Variants in TBC1D31 observed in about 807,000 individuals in gnomAD.
TBC1D31 encodes the protein WD repeat domain 67.
A neutral mutation model predicts 132.9 loss-of-function variants in TBC1D31; 99 were observed. The observed-to-expected ratio is 0.74, with a 90% CI of 0.63 to 0.88. The LOEUF (loss-of-function observed/expected upper bound fraction) is 0.88, where lower values mean the gene tolerates loss of function less well. Among genes scored for constraint, TBC1D31 ranks in the 40% least tolerant of loss-of-function variants. The pLI, the probability that TBC1D31 is intolerant of heterozygous loss-of-function variation, is 0.00. For missense variants in TBC1D31, 1,134 were observed against 1,256.6 expected, an observed-to-expected ratio of 0.90 and a Z score of 1.48; for synonymous variants, 385 against 419.4, an observed-to-expected ratio of 0.92 and a Z score of 1.00.
At chr8:123,123,220 G>A (rs1819665543) in intron 11 of TBC1D31, 2 of 152,326 alleles carry the variant, frequency 1.3e-5, no homozygotes, top group Admixed American at 6.5e-5. Context: ...CCTTCTCAGA[G>A]TTTTCTAAGA....
At chr8:123,152,568 A>G (rs1391926778), downstream of TBC1D31, among the ~76,000 whole-genome samples, 2 of 152,134 alleles carry the variant, frequency 1.3e-5, no homozygotes, top group African/African-American at 2.4e-5. Context: ...ACTTGATATG[A>G]CGATTCAGTA....
intron 2 of TBC1D31, among the ~76,000 whole-genome samples, chr8:123,077,482 C>T (rs1487796362): frequency 6.6e-6 from 1 of 150,968 alleles, no homozygotes; most frequent in African/African-American, 2.4e-5. Flanking sequence ...TTAATAGTAT[C>T]TCTAGTAGTT....
intron 18 of TBC1D31, among the ~76,000 whole-genome samples, chr8:123,141,335 T>C (rs1821643224): frequency 6.6e-6 from 1 of 152,198 alleles, no homozygotes; most frequent in African/African-American, 2.4e-5. Flanking sequence ...CACTTCCAAG[T>C]GTATTGTGTG....
rs1563706412 is a variant in TBC1D31, at chr8:123,106,918, T to C, written c.1209+1454T>C. 1.3e-5 allele frequency among the ~76,000 whole-genome samples: 2 copies of C among 152,280 alleles called. 1 individual carries two copies. Among genetic ancestry groups the C allele is most frequent in the South Asian group, 4.1e-4 (2 of 4,824 alleles). On this transcript the variant is annotated intron_variant, in intron 8 of 21. Coordinates refer to ENST00000287380, the MANE Select transcript of TBC1D31 (RefSeq NM_145647.4). ...ACCAGGCACAAGCTTCCGGGAATCTTCTCCCACTGGAGTCACAGGACATCC... is the reference window on the plus strand; with the variant it reads ...ACCAGGCACAAGCTTCCGGGAATCTCCTCCCACTGGAGTCACAGGACATCC...
intron 4 of TBC1D31, among the ~76,000 whole-genome samples, chr8:123,086,469 G>C (rs4871347): frequency 0.31 from 46,621 of 151,908 alleles, 7,232 homozygotes; most frequent in African/African-American, 0.34. Context: ...CAGATTGGAG[G>C]CTTTCTGCAG....
intron 6 of TBC1D31, among the ~76,000 whole-genome samples, chr8:123,098,395 A>G (rs1050179011): frequency 6.6e-6 from 1 of 152,070 alleles, no homozygotes; most frequent in African/African-American, 2.4e-5. Context: ...TCCGCCTCCC[A>G]GGCTCAAGTG....
intron 1 of TBC1D31, among the ~76,000 whole-genome samples, chr8:123,074,054 C>T (rs1411315559): frequency 6.7e-6 from 1 of 149,950 alleles, no homozygotes; most frequent in Non-Finnish European, 1.5e-5. Context: ...TCTCTTGAGA[C>T]AGAGTCTTGC....
At position 123,084,305 on chromosome 8, in the gene TBC1D31, A is replaced by T; in HGVS notation, c.484A>T (p.Lys162Ter). Residue 162 changes from lysine (K) to a stop codon, truncating the protein, a stop_gained, in exon 4 of 22, where the codon AAG becomes TAG. Coordinates refer to ENST00000287380, the MANE Select transcript of TBC1D31 (RefSeq NM_145647.4). LOFTEE classifies it high-confidence loss of function. ...CTTGGATACCTTTCAGAGAAAAAGA[A>T]AGCTGAATATTCGCCAGTCTGTGGG... The part of the protein sequence containing the change: ...WDLDTFQRKR[K>*]LNIRQSVGIQ... The T allele has an allele frequency of 6.2e-7, 1 of 1,614,212 alleles. No homozygotes were observed. The highest frequency in any genetic ancestry group is 8.5e-7 in the Non-Finnish European group (1 of 1,180,028).
At chr8:123,076,959 T>C in intron 1 of TBC1D31, 152 bp from the exon 2 acceptor site, 1 of 618,980 alleles carries the variant, frequency 1.6e-6, no homozygotes, top group South Asian at 2.8e-5. Flanking sequence ...TTTTCTGAAA[T>C]CCTGGTAAGA....
intron 13 of TBC1D31, 44 bp from the exon 14 acceptor site, chr8:123,128,237 C>T (rs543856159): frequency 1.0e-6 from 1 of 980,722 alleles, no homozygotes; most frequent in South Asian, 1.4e-5. Flanking sequence ...CTCATAATTG[C>T]TTTGTCAGGT....
At chr8:123,146,116 C>T (rs773169321) in intron 20 of TBC1D31, among the ~76,000 whole-genome samples, 9 of 152,246 alleles carry the variant, frequency 5.9e-5, no homozygotes, top group East Asian at 3.9e-4. Context: ...GTGATCCACC[C>T]GCCTCGGCCT....
intron 21 of TBC1D31, 139 bp from the exon 22 acceptor site, chr8:123,151,667 C>T: frequency 5.2e-6 from 4 of 774,238 alleles, no homozygotes; most frequent in Non-Finnish European, 7.5e-6. Context: ...CACCTAGGGC[C>T]AGGTTATATG....
At chr8:123,085,635 T>A (rs1006364750) in intron 4 of TBC1D31, among the ~76,000 whole-genome samples, 1 of 152,024 alleles carries the variant, frequency 6.6e-6, no homozygotes, top group Non-Finnish European at 1.5e-5. Flanking sequence ...GGTCTCCATC[T>A]CCTGACCTTG....
chr8:123,142,357 A>G lies in TBC1D31; in HGVS notation c.2736A>G (p.Gln912=), dbSNP rs1586732524. ...ATAAACAAAAATGTGATGATCTACA[A>G]CGAAACAAATGTTACCAGGAAGTAG... is the stretch of plus-strand genomic sequence containing the variant. ...SLHKQKCDDL[Q]RNKCYQEVAK... Residue 912 remains glutamine, a synonymous_variant, in exon 19 of 22, where the codon CAA becomes CAG. Transcript: ENST00000287380. 6.2e-7 allele frequency: 1 copy of G among 1,610,990 alleles called. No individual in the cohort carries two copies. The highest frequency in any genetic ancestry group is 8.5e-7 in the Non-Finnish European group (1 of 1,178,908).
At chr8:123,131,363 CAAAAAAAAAAA>C (rs59929988) in intron 16 of TBC1D31, among the ~76,000 whole-genome samples, 7 of 64,914 alleles carry the variant, frequency 1.1e-4, no homozygotes, top group South Asian at 6.7e-4. Context: ...GACTCAGTCT[CAAAAAAAAAAA>C]AAAAAAAAAA....
At chr8:123,108,928 G>A (rs1363844913) in intron 8 of TBC1D31, among the ~76,000 whole-genome samples, 1 of 152,162 alleles carries the variant, frequency 6.6e-6, no homozygotes, top group East Asian at 1.9e-4. Context: ...GATCTCGTGA[G>A]AACTATCATG....
chr8:123,082,372 A>G (rs1202305221), intron 2 of TBC1D31: 13 of 197,564 alleles, frequency 6.6e-5, no homozygotes, highest in Non-Finnish European at 1.2e-4. Flanking sequence ...TTATGCTCCC[A>G]TATCTCTGGC....
At chr8:123,145,232 A>G (rs1036623833) in intron 20 of TBC1D31, among the ~76,000 whole-genome samples, 3 of 152,160 alleles carry the variant, frequency 2.0e-5, no homozygotes, top group Admixed American at 1.3e-4. Flanking sequence ...CCAGTGAATA[A>G]ATTATTGGGA....
intron 10 of TBC1D31, among the ~76,000 whole-genome samples, chr8:123,113,692 T>G (rs1275947647): frequency 6.6e-6 from 1 of 152,218 alleles, no homozygotes; most frequent in Non-Finnish European, 1.5e-5. Flanking sequence ...TGTAACTAAT[T>G]CTGTGTAGGT....
Sources: gnomAD v4.1 joint callset for allele counts (sites outside exome capture counted in the v4.1 genomes callset) on GRCh38, gnomAD v4.1.1 for gene constraint, MANE v1.5 for transcripts, NCBI Gene and HGNC (gene_info 2026-07-23, HGNC 2026-07-21) for gene names.